Variants in TGM5 observed in about 807,000 individuals in gnomAD.
TGM5 encodes the protein protein-glutamine gamma-glutamyltransferase 5.
A neutral mutation model predicts 77.2 loss-of-function variants in TGM5; 69 were observed. The ratio of observed to expected loss-of-function variants is 0.89; its 90% CI spans 0.74 to 1.09. The LOEUF (loss-of-function observed/expected upper bound fraction) is 1.09, where lower values mean the gene tolerates loss of function less well. Among genes scored for constraint, TGM5 ranks in the 50% least tolerant of loss-of-function variants. The pLI is 0.00. For synonymous variants in TGM5, 346 were observed against 351.8 expected (o/e 0.98, Z 0.18); for missense variants, 842 against 896.5 (o/e 0.94, Z 0.78).
At position 43,234,824 on chromosome 15, in the gene TGM5, T is replaced by G. The variant is rs80192997; in HGVS notation, c.1820A>C (p.Glu607Ala). ...GATGATCTTGTTCACCAGGATTTTCTCAGGACTGCTTTTCTCTTCACCCAG... is the reference window on the plus strand; with the variant it reads ...GATGATCTTGTTCACCAGGATTTTCGCAGGACTGCTTTTCTCTTCACCCAG... ...SALGEEKSSP[E>A]KILVNKIITL... is the part of the protein sequence containing the mutation. The change falls in exon 11 of 13, where the codon GAG (glutamate) becomes GCG (alanine). Residue 607 changes from glutamate (E) to alanine (A), a missense_variant. This residue lies in a region of TGM5 where 815 missense variants were observed against 844.6 expected (regional missense o/e 0.96). Coordinates refer to ENST00000220420, the MANE Select transcript of TGM5 (RefSeq NM_201631.4). The G allele has an allele frequency of 1.6e-3, 2,545 of 1,614,222 alleles. 39 individuals carry two copies. The African/African-American group carries it at 0.031, about 20-fold the overall frequency.
In TGM5 at chr15:43,252,847, G is replaced by A. The variant is rs751456953; in HGVS notation, c.774C>T (p.Ser258=). The A allele has an allele frequency of 3.7e-6, 6 of 1,613,900 alleles. No homozygotes were observed. In the African/African-American group the frequency reaches 4.0e-5, roughly 11 times the overall value. Residue 258 remains serine, a synonymous_variant, in exon 6 of 13, where the codon AGC becomes AGT. Coordinates refer to ENST00000220420, the MANE Select transcript of TGM5 (RefSeq NM_201631.4). Reference sequence around the variant, plus strand: ...CGTTCCACTGCTTCAGGATGGCCACGCTGCCCGTCCACTCCGCAGGGTTGG... The same window carrying A: ...CGTTCCACTGCTTCAGGATGGCCACACTGCCCGTCCACTCCGCAGGGTTGG... ...DGANPAEWTG[S]VAILKQWNAT... is the part of the protein sequence containing the mutation.
intron 9 of TGM5, among the ~76,000 whole-genome samples, chr15:43,237,374 C>T (rs1227246915): frequency 6.6e-6 from 1 of 152,214 alleles, no homozygotes; most frequent in Admixed American, 6.5e-5. Flanking sequence ...CAACTCATGA[C>T]CAACAGGAGT....
intron 3 of TGM5, among the ~76,000 whole-genome samples, chr15:43,257,348 G>C (rs1596450106): frequency 6.6e-6 from 1 of 152,194 alleles, no homozygotes; most frequent in South Asian, 2.1e-4. Context: ...GTGGAAATCT[G>C]TATGTGATAC....
At chr15:43,238,699 G>A in intron 9 of TGM5, 118 bp downstream of exon 9, 2 of 1,494,464 alleles carry the variant, frequency 1.3e-6, no homozygotes, top group Non-Finnish European at 1.8e-6. Flanking sequence ...CCTCAAAACT[G>A]AACAGCTGAG....
At chr15:43,249,410 T>TA (rs1173097664) in intron 6 of TGM5, among the ~76,000 whole-genome samples, 5 of 152,198 alleles carry the variant, frequency 3.3e-5, no homozygotes. Context: ...CTCATTACAT[T>TA]AGCAGTCACT....
chr15:43,233,172 T>C lies in TGM5; in HGVS notation c.*19A>G, dbSNP rs772910987. ...TCCTGAAGCTTGAAATTCACACGTC[T>C]GGCGCGTTGTTCCAGAATTTATAAT... On this transcript the variant is annotated 3_prime_UTR_variant, in exon 13 of 13. Transcript: ENST00000220420. 3.1e-6 allele frequency: 5 copies of C among 1,613,984 alleles called. No homozygotes were observed. In the South Asian group the frequency reaches 5.5e-5, roughly 18 times the overall value.
At chr15:43,253,829 A>G (rs952529043) in intron 4 of TGM5, among the ~76,000 whole-genome samples, 195 bp from the exon 5 acceptor site, 17 of 152,190 alleles carry the variant, frequency 1.1e-4, no homozygotes, top group Admixed American at 9.8e-4. Context: ...CACCTGGTGC[A>G]TATGCCCTGC....
intron 3 of TGM5, among the ~76,000 whole-genome samples, chr15:43,258,756 T>C (rs949029132): frequency 3.3e-5 from 5 of 152,228 alleles, no homozygotes; most frequent in Non-Finnish European, 7.4e-5. Context: ...CCACCAACCC[T>C]AGGCCCAGTG....
Position 43,260,230 on chromosome 15 carries a change from G to A in TGM5, c.258C>T (p.Ser86=), listed in dbSNP as rs138507857. The change falls in exon 3 of 13, where the codon AGC becomes AGT. Residue 86 remains serine (S), a synonymous_variant. Transcript: ENST00000220420. The part of the protein sequence containing the change: ...VFSLARHHSP[S]PWIAWLETNG... The stretch of plus-strand genomic sequence containing the variant: ...TGGTCTCCAGCCAGGCAATCCAGGG[G>A]CTGGGGCTGTGATGGCGTGCCAGGC... 2.5e-6 allele frequency: 4 copies of A among 1,613,970 alleles called. No individual in the cohort carries two copies. The highest frequency in any genetic ancestry group is 3.4e-6 in the Non-Finnish European group (4 of 1,180,026).
At chr15:43,260,726 T>G in intron 1 of TGM5, 147 bp from the exon 2 acceptor site, 1 of 845,750 alleles carries the variant, frequency 1.2e-6, no homozygotes, top group South Asian at 1.4e-5. Context: ...AAGATCAGCC[T>G]GCCAGGATGA....
chr15:43,259,325 C>G (rs891689784), intron 3 of TGM5, among the ~76,000 whole-genome samples: 1 of 150,850 alleles, frequency 6.6e-6, no homozygotes, highest in South Asian at 2.1e-4. Context: ...AAAAAAAAAC[C>G]GGAAACAGCT....
At chr15:43,237,535 T>C (rs1297462499) in intron 9 of TGM5, among the ~76,000 whole-genome samples, 3 of 151,860 alleles carry the variant, frequency 2.0e-5, no homozygotes, top group African/African-American at 4.8e-5. Context: ...AAACAACAAA[T>C]AATTTGGGAC....
chr15:43,236,213 ACT>A, intron 9 of TGM5, among the ~76,000 whole-genome samples: 1 of 152,160 alleles, frequency 6.6e-6, no homozygotes, highest in Non-Finnish European at 1.5e-5. Flanking sequence ...TGACCGCTCA[ACT>A]CTATCCTGAT....
In TGM5 at chr15:43,234,757, A is replaced by G; in HGVS notation, c.1875+12T>C. ...AGGAGCCCCACAAGCCATTTGCAGG[A>G]CTCCTGCCTACATTAATCGTGATGC... is the stretch of plus-strand genomic sequence containing the variant. On this transcript the variant is annotated intron_variant, in intron 11 of 12. Coordinates refer to ENST00000220420, the MANE Select transcript of TGM5 (RefSeq NM_201631.4). 6 of 1,613,940 alleles carry G rather than the reference A, an allele frequency of 3.7e-6. No homozygotes were observed. The highest frequency in any genetic ancestry group is 5.1e-6 in the Non-Finnish European group (6 of 1,179,924).
At chr15:43,251,017 C>T (rs1207433773) in intron 6 of TGM5, among the ~76,000 whole-genome samples, 1 of 152,220 alleles carries the variant, frequency 6.6e-6, no homozygotes, top group East Asian at 1.9e-4. Flanking sequence ...ACTCCTTCTA[C>T]ACACACATAC....
At chr15:43,241,238 C>G in intron 6 of TGM5, 1 of 555,330 alleles carries the variant, frequency 1.8e-6, no homozygotes, top group Non-Finnish European at 3.2e-6. Context: ...CCAGTAAAGT[C>G]TAGCAAGCTG....
chr15:43,242,930 C>G (rs1428353555), intron 6 of TGM5, among the ~76,000 whole-genome samples: 1 of 152,208 alleles, frequency 6.6e-6, no homozygotes, highest in African/African-American at 2.4e-5. Context: ...ATGACACTCA[C>G]AGTGACAAGA....
rs747305439 is a variant in TGM5, at chr15:43,233,654, A to T, written c.1909T>A (p.Ser637Thr). 6.2e-7 allele frequency: 1 copy of T among 1,614,162 alleles called. No homozygotes were observed. Among genetic ancestry groups the T allele is most frequent in the Non-Finnish European group, 8.5e-7 (1 of 1,180,028 alleles). ...LGAAVVNQPL[S>T]IQVIFSNPLS... ...GGGTTTGAAAATATCACCTGTATGG[A>T]GAGTGGCTGGTTCACAACGGCTGCT... The change falls in exon 12 of 13, where the codon TCC becomes ACC. Residue 637 changes from serine (S) to threonine (T), a missense_variant. Ser to Thr is a moderately conservative substitution (Grantham distance 58). Coordinates refer to ENST00000220420, the MANE Select transcript of TGM5 (RefSeq NM_201631.4).
Position 43,235,578 on chromosome 15 carries a change from C to T in TGM5, c.1605G>A (p.Gln535=). 1.9e-6 allele frequency: 3 copies of T among 1,614,214 alleles called. No homozygotes were observed. The South Asian group carries it at 3.3e-5, about 18-fold the overall frequency. ...FVLLALNMSS[Q]FKDLKVNLSA... is the part of the protein sequence containing the mutation. ...TCAGGTTCACTTTGAGGTCCTTGAA[C>T]TGGGAGGACATGTTGAGGGCCAGCA... The change falls in exon 10 of 13, where the codon CAG becomes CAA. Residue 535 remains glutamine, a synonymous_variant. Coordinates refer to ENST00000220420, the MANE Select transcript of TGM5 (RefSeq NM_201631.4).
Sources: allele counts gnomAD v4.1 joint callset (sites outside exome capture counted in the v4.1 genomes callset), GRCh38; gene constraint gnomAD v4.1.1; regional missense constraint gnomAD v4.1.1; transcripts MANE v1.5; gene names NCBI Gene and HGNC (gene_info 2026-07-23, HGNC 2026-07-21).